DUSP11: variants seen among roughly 807,000 people sequenced by gnomAD.
The protein encoded by DUSP11 is dual specificity phosphatase 11.
In DUSP11, 27 loss-of-function variants were observed where a neutral mutation model predicts 41.4. The observed-to-expected ratio is 0.65, with a 90% confidence interval of 0.48 to 0.90. DUSP11 has a LOEUF of 0.90. Ranked by LOEUF, DUSP11 falls within the 40% of genes least tolerant of loss-of-function variation. The probability of loss-of-function intolerance (pLI) is 0.00; values close to 1 mark genes in which losing one functional copy is unlikely to be tolerated. For synonymous variants in DUSP11, 188 were observed against 159.3 expected, an observed-to-expected ratio of 1.18 and a Z score of -1.35; for missense variants, 465 against 461.1, an observed-to-expected ratio of 1.01 and a Z score of -0.08.
exon 9 of DUSP11, chr2:73,762,573 C>T: frequency 1.0e-6 from 1 of 978,708 alleles, no homozygotes. Context: ...AATAAAGAAA[C>T]CTGATTAGAC....
intron 8 of DUSP11, among the ~76,000 whole-genome samples, chr2:73,766,047 C>A (rs572847479): frequency 6.6e-6 from 1 of 152,310 alleles, no homozygotes; most frequent in African/African-American, 2.4e-5. Flanking sequence ...CGGTGGCTCA[C>A]GCCTATAATC....
At chr2:73,776,150 C>G (rs1445708222) in intron 2 of DUSP11, among the ~76,000 whole-genome samples, 1 of 151,864 alleles carries the variant, frequency 6.6e-6, no homozygotes, top group Non-Finnish European at 1.5e-5. Context: ...TGCGGTGGCT[C>G]AAGCCTGTAA....
chr2:73,775,104 A>T (rs1672653299), intron 2 of DUSP11, 60 bp from the exon 3 acceptor site: 6 of 1,456,556 alleles, frequency 4.1e-6, no homozygotes, highest in Non-Finnish European at 5.6e-6. Flanking sequence ...TACATTAGGC[A>T]TTTATTCAAG....
chr2:73,762,988 T>C, intron 8 of DUSP11, 129 bp from the exon 9 acceptor site: 1 of 339,140 alleles, frequency 2.9e-6, no homozygotes, highest in Non-Finnish European at 4.8e-6. Flanking sequence ...ATTCTACTGT[T>C]TCCTACCTGT....
At chr2:73,775,887 A>G (rs1193617263) in intron 2 of DUSP11, among the ~76,000 whole-genome samples, 13 of 146,776 alleles carry the variant, frequency 8.9e-5, no homozygotes, top group African/African-American at 2.2e-4. Flanking sequence ...AAAAAAAAAA[A>G]AGAGATAGGG....
intron 4 of DUSP11, among the ~76,000 whole-genome samples, chr2:73,771,787 C>T (rs1482940490): frequency 6.8e-6 from 1 of 146,618 alleles, no homozygotes; most frequent in Non-Finnish European, 1.5e-5. Context: ...CAGGCATGAG[C>T]CATCGCGCCC....
rs144545124 is a variant in DUSP11, at chr2:73,772,844, C to T, written c.574+956G>A. Among the ~76,000 whole-genome samples, 499 of 152,354 alleles carry T rather than the reference C, an allele frequency of 3.3e-3. 5 individuals are homozygous for T. The highest frequency in any genetic ancestry group is 0.012 in the African/African-American group (480 of 41,578). On this transcript the variant is annotated intron_variant, in intron 4 of 8. Transcript: ENST00000272444. ...CCACTGATCCAGTCTCTATCTCTCA[C>T]CTTCCATTCCCTATCTTCCCACCTC...
chr2:73,769,008 T>G, intron 5 of DUSP11: 1 of 350,746 alleles, frequency 2.9e-6, no homozygotes, highest in Non-Finnish European at 5.1e-6. Context: ...CAAAGAAAGA[T>G]GTCTATCACA....
At chr2:73,778,421 T>C in intron 1 of DUSP11, 45 bp from the exon 2 acceptor site, 1 of 1,283,712 alleles carries the variant, frequency 7.8e-7, no homozygotes, top group Non-Finnish European at 1.1e-6. Flanking sequence ...GTTAGCCTTG[T>C]TTCCTTGCAC....
intron 2 of DUSP11, among the ~76,000 whole-genome samples, chr2:73,776,291 G>A (rs561039684): frequency 3.3e-5 from 5 of 151,194 alleles, no homozygotes; most frequent in South Asian, 4.2e-4. Context: ...GGCAGGCGCC[G>A]GTAGTTCCAG....
exon 8 of DUSP11, chr2:73,766,426 T>C (rs141473479): frequency 1.1e-5 from 17 of 1,610,214 alleles, no homozygotes; most frequent in Non-Finnish European, 1.3e-5. Context: ...ACCTGACTGA[T>C]TGTTGCAAAC....
At position 73,776,012 on chromosome 2, in the gene DUSP11, G is replaced by T. The variant is rs1486978803; in HGVS notation, c.319-968C>A. On this transcript the variant is annotated intron_variant, in intron 2 of 8. Transcript: ENST00000272444. ...CACATGTCTACATATATGAAGGATG[G>T]CTTTCATTGCTGAATATTCTTTTAT... Among the ~76,000 whole-genome samples, 73 of 151,902 alleles carry T rather than the reference G, an allele frequency of 4.8e-4. 1 individual carries two copies. Among genetic ancestry groups the T allele is most frequent in the Admixed American group, 4.7e-3 (72 of 15,250 alleles).
chr2:73,762,904 C>A (rs111640243), intron 8 of DUSP11, 45 bp from the exon 9 acceptor site: 1 of 822,352 alleles, frequency 1.2e-6, no homozygotes, highest in South Asian at 3.9e-5. Flanking sequence ...AGGATTAATA[C>A]AATAATTTTT....
chr2:73,779,293 G>C (rs1452671894), intron 1 of DUSP11, among the ~76,000 whole-genome samples: 1 of 152,178 alleles, frequency 6.6e-6, no homozygotes, highest in Non-Finnish European at 1.5e-5. Context: ...AAAATGAAGA[G>C]GATTTATTGA....
In DUSP11 at chr2:73,767,154, T is replaced by C; in HGVS notation, c.682+7A>G. On this transcript the variant is annotated splice_region_variant and intron_variant, in intron 6 of 8. Transcript: ENST00000272444. ...AAGGGAAAAATAGTGTCAACCCTCA[T>C]ACTTACATTCAATTGCATCATCTGG... The C allele has an allele frequency of 1.2e-6, 2 of 1,607,318 alleles. No homozygotes were observed. Among genetic ancestry groups the C allele is most frequent in the Middle Eastern group, 1.7e-4 (1 of 6,048 alleles).
Position 73,775,864 on chromosome 2 carries a change from T to TA in DUSP11, c.319-821dup, listed in dbSNP as rs1166863408. On this transcript the variant is annotated intron_variant, in intron 2 of 8. Transcript: ENST00000272444. ...GTGACTCCATCTCAAAAAAAAAATT[T>TA]AAAAAAAAAAAAAAAAAAAAAAAAG... Among the ~76,000 whole-genome samples, 182 of 52,298 alleles carry TA rather than the reference T, an allele frequency of 3.5e-3. 1 individual carries two copies. The highest frequency in any genetic ancestry group is 6.3e-3 in the South Asian group (7 of 1,116). 34.3% of individuals were successfully genotyped at this position (52,298 alleles called of 152,430 possible).
chr2:73,776,492 G>A (rs1183622129), intron 2 of DUSP11, among the ~76,000 whole-genome samples: 1 of 150,672 alleles, frequency 6.6e-6, no homozygotes, highest in Non-Finnish European at 1.5e-5. Flanking sequence ...AGGACAGATA[G>A]TTCCCACATG....
chr2:73,765,143 T>A (rs1016085435), intron 8 of DUSP11, among the ~76,000 whole-genome samples: 1 of 152,050 alleles, frequency 6.6e-6, no homozygotes, highest in African/African-American at 2.4e-5. Flanking sequence ...GGTGTGTGAG[T>A]GGGTGGACTG....
At chr2:73,766,998 T>C in intron 6 of DUSP11, 95 bp from the exon 7 acceptor site, 3 of 1,262,054 alleles carry the variant, frequency 2.4e-6, no homozygotes, top group Non-Finnish European at 3.5e-6. Context: ...CAAGCTGTTA[T>C]ATCTCACTAC....
Sources: allele counts gnomAD v4.1 joint callset (sites outside exome capture counted in the v4.1 genomes callset), GRCh38; gene constraint gnomAD v4.1.1; transcripts MANE v1.5; gene names NCBI Gene and HGNC (gene_info 2026-07-23, HGNC 2026-07-21).